THSD4: variants seen among roughly 807,000 people sequenced by gnomAD.
THSD4 encodes thrombospondin type-1 domain-containing protein 4.
Under a neutral mutation model 119.0 loss-of-function variants are expected in THSD4, and 69 were observed. That is an observed-to-expected ratio of 0.58 (90% CI 0.48 to 0.71). THSD4 has a LOEUF of 0.71. Among genes scored for constraint, THSD4 ranks in the 30% least tolerant of loss-of-function variants. THSD4 has a pLI of 0.00. For missense variants in THSD4, 1,393 were observed against 1,391.1 expected (o/e 1.00, Z -0.02); for synonymous variants, 524 against 540.4 (o/e 0.97, Z 0.42).
chr15:71,582,715 T>C (rs1271718298), intron 7 of THSD4, among the ~76,000 whole-genome samples: 1 of 152,180 alleles, frequency 6.6e-6, no homozygotes, highest in Non-Finnish European at 1.5e-5. Flanking sequence ...AAATGCTTTT[T>C]TCTACATCAG....
intron 6 of THSD4, among the ~76,000 whole-genome samples, chr15:71,361,423 C>G (rs762692941): frequency 1.9e-4 from 29 of 152,190 alleles, no homozygotes; most frequent in Non-Finnish European, 3.8e-4. Context: ...AAAAGATGCT[C>G]AGCCTTGTTC....
At chr15:71,623,354 A>G (rs2050452326) in intron 7 of THSD4, among the ~76,000 whole-genome samples, 2 of 152,242 alleles carry the variant, frequency 1.3e-5, no homozygotes, top group Admixed American at 1.3e-4. Context: ...AATCATCACA[A>G]TAGCCTTATG....
chr15:71,397,343 C>T (rs1177231958), intron 6 of THSD4, among the ~76,000 whole-genome samples: 1 of 152,192 alleles, frequency 6.6e-6, no homozygotes, highest in South Asian at 2.1e-4. Context: ...ATTGTAGTTG[C>T]AGGAGGTCAA....
chr15:71,103,361 T>G (rs144294676), intron 1 of THSD4, among the ~76,000 whole-genome samples: 1,737 of 152,268 alleles, frequency 0.011, 33 homozygotes, highest in African/African-American at 0.039. Flanking sequence ...GTATGGTGTT[T>G]AGGATCAGAT....
intron 3 of THSD4, among the ~76,000 whole-genome samples, chr15:71,193,755 A>G (rs543154993): frequency 6.6e-6 from 1 of 152,036 alleles, no homozygotes; most frequent in Non-Finnish European, 1.5e-5. Flanking sequence ...TTGCCCAGGC[A>G]GGAGTGCAGT....
At chr15:71,526,826 T>C (rs1047539343) in intron 7 of THSD4, among the ~76,000 whole-genome samples, 3 of 152,204 alleles carry the variant, frequency 2.0e-5, no homozygotes, top group Admixed American at 6.5e-5. Context: ...GATTCTCTTA[T>C]AGTGTCTGTT....
chr15:71,282,709 A>T (rs1466137970), intron 6 of THSD4, among the ~76,000 whole-genome samples: 1 of 152,080 alleles, frequency 6.6e-6, no homozygotes, highest in Non-Finnish European at 1.5e-5. Flanking sequence ...CTGTTCATTT[A>T]CCCAGATTCT....
At chr15:71,341,033 A>T in intron 6 of THSD4, 53 of 549,620 alleles carry the variant, frequency 9.6e-5, no homozygotes, top group Non-Finnish European at 1.4e-4. Flanking sequence ...AGTGTCTTGC[A>T]TTTCCTCTCT....
chr15:71,738,145 C>T (rs752183122), intron 11 of THSD4, 138 bp downstream of exon 11: 61 of 1,204,598 alleles, frequency 5.1e-5, no homozygotes, highest in Admixed American at 4.3e-4. Flanking sequence ...TGGATGGTGG[C>T]GGGGTTGGGG....
At chr15:71,629,066 A>G (rs2050564215) in intron 7 of THSD4, among the ~76,000 whole-genome samples, 1 of 152,222 alleles carries the variant, frequency 6.6e-6, no homozygotes, top group African/African-American at 2.4e-5. Flanking sequence ...TTTGTAACTT[A>G]CCAGACCCTT....
intron 14 of THSD4, among the ~76,000 whole-genome samples, chr15:71,756,790 AAAAG>A (rs1048782518): frequency 2.0e-5 from 3 of 152,224 alleles, no homozygotes; most frequent in Non-Finnish European, 4.4e-5. Flanking sequence ...TGTCTCGAAA[AAAAG>A]AAAAGACACG....
intron 3 of THSD4, among the ~76,000 whole-genome samples, chr15:71,198,398 G>T (rs1725749893): frequency 6.6e-6 from 1 of 152,216 alleles, no homozygotes; most frequent in Non-Finnish European, 1.5e-5. Context: ...TCTTCACTTG[G>T]CTCTTCCTGG....
At chr15:71,421,166 A>AAAAAAC in intron 7 of THSD4, among the ~76,000 whole-genome samples, 1 of 92,748 alleles carries the variant, frequency 1.1e-5, no homozygotes. Flanking sequence ...CTCAAAAAAA[A>AAAAAAC]AAAAAAAAAA....
intron 6 of THSD4, among the ~76,000 whole-genome samples, chr15:71,359,849 CAAAA>C (rs5813626): frequency 6.6e-6 from 1 of 151,512 alleles, no homozygotes; most frequent in Non-Finnish European, 1.5e-5. Flanking sequence ...AACAAGCAAA[CAAAA>C]AAAACAGAGA....
rs112774996 is a variant in THSD4, at chr15:71,748,212, T to C, written c.2242-209T>C. Among the ~76,000 whole-genome samples the C allele has an allele frequency of 3.5e-3, 540 of 152,276 alleles. 4 individuals carry two copies. Among genetic ancestry groups the C allele is most frequent in the African/African-American group, 0.012 (497 of 41,558 alleles). On this transcript the variant is annotated intron_variant, in intron 13 of 17. Coordinates refer to ENST00000261862, the MANE Select transcript of THSD4 (RefSeq NM_024817.3). ...GCTGGGAGGCTTAGGATTTTATTTTTAGTTTACAGTAGGCGAGGCATCTAA... is the reference window on the plus strand; with the variant it reads ...GCTGGGAGGCTTAGGATTTTATTTTCAGTTTACAGTAGGCGAGGCATCTAA...
intron 4 of THSD4, among the ~76,000 whole-genome samples, chr15:71,218,536 T>C (rs927927777): frequency 6.6e-5 from 10 of 152,346 alleles, no homozygotes; most frequent in African/African-American, 2.4e-4. Flanking sequence ...CTGTTTACTA[T>C]GAAGTTCCTG....
At chr15:71,542,644 G>A (rs755893665) in intron 7 of THSD4, among the ~76,000 whole-genome samples, 3 of 152,230 alleles carry the variant, frequency 2.0e-5, no homozygotes, top group Non-Finnish European at 2.9e-5. Flanking sequence ...TTGGGAGGCC[G>A]AGGTAGGCGG....
intron 7 of THSD4, among the ~76,000 whole-genome samples, chr15:71,494,156 T>G (rs942164690): frequency 2.0e-5 from 3 of 152,228 alleles, no homozygotes; most frequent in African/African-American, 7.2e-5. Flanking sequence ...CCTGAACCTT[T>G]GTAAGTGAAA....
intron 3 of THSD4, among the ~76,000 whole-genome samples, chr15:71,194,193 T>A (rs1396885198): frequency 6.6e-6 from 1 of 152,228 alleles, no homozygotes; most frequent in Admixed American, 6.5e-5. Flanking sequence ...GGTATGTCTT[T>A]ATCAGCAGCT....
Sources: gnomAD v4.1 joint callset for allele counts (sites outside exome capture counted in the v4.1 genomes callset) on GRCh38, gnomAD v4.1.1 for gene constraint, MANE v1.5 for transcripts, NCBI Gene and HGNC (gene_info 2026-07-23, HGNC 2026-07-21) for gene names.